NFIA: variants seen among roughly 807,000 people sequenced by gnomAD.
NFIA encodes the protein nuclear factor I A.
NFIA carries 8 observed loss-of-function variants against 62.8 expected under a neutral mutation model. The observed-to-expected ratio is 0.13, with a 90% CI of 0.07 to 0.23. The LOEUF is 0.23. NFIA is among the 10% of genes least tolerant of loss of function. The pLI, the probability that NFIA is intolerant of heterozygous loss-of-function variation, is 1.00. For missense variants in NFIA, 410 were observed against 642.1 expected (o/e 0.64, Z 3.91); for synonymous variants, 235 against 238.1 (o/e 0.99, Z 0.12).
At chr1:61,441,473 T>C (rs1371399534) in intron 10 of NFIA, among the ~76,000 whole-genome samples, 2 of 150,576 alleles carry the variant, frequency 1.3e-5, no homozygotes, top group African/African-American at 5.0e-5. Context: ...GGCAAACACT[T>C]TAAAGTGCTT....
intron 2 of NFIA, among the ~76,000 whole-genome samples, chr1:61,271,969 A>G (rs748802887): frequency 6.6e-6 from 1 of 152,112 alleles, no homozygotes; most frequent in Non-Finnish European, 1.5e-5. Context: ...TGTTTTAGGA[A>G]CTCGGTTATT....
At chr1:61,327,417 C>T (rs1459003833) in intron 3 of NFIA, among the ~76,000 whole-genome samples, 2 of 151,734 alleles carry the variant, frequency 1.3e-5, no homozygotes, top group Non-Finnish European at 2.9e-5. Flanking sequence ...CCTACACAGC[C>T]GCCCCCTCCT....
chr1:61,155,265 T>A (rs1648709812), intron 2 of NFIA, among the ~76,000 whole-genome samples: 1 of 152,222 alleles, frequency 6.6e-6, no homozygotes, highest in Non-Finnish European at 1.5e-5. Context: ...TTAAGACTGC[T>A]CATACATGCT....
At chr1:61,402,588 G>A (rs1390245766) in intron 7 of NFIA, among the ~76,000 whole-genome samples, 1 of 152,110 alleles carries the variant, frequency 6.6e-6, no homozygotes, top group Non-Finnish European at 1.5e-5. Flanking sequence ...GAGAGGAGAA[G>A]GTAATGAAAA....
At chr1:61,305,332 A>G (rs981274517) in intron 3 of NFIA, among the ~76,000 whole-genome samples, 1 of 152,168 alleles carries the variant, frequency 6.6e-6, no homozygotes, top group Admixed American at 6.5e-5. Context: ...GGTTAACCAT[A>G]AGCAACTCAT....
At chr1:61,210,220 GTGGAA>G (rs915898887) in intron 2 of NFIA, among the ~76,000 whole-genome samples, 70 of 152,256 alleles carry the variant, frequency 4.6e-4, no homozygotes, top group Middle Eastern at 3.4e-3. Flanking sequence ...TTTTCCTCAA[GTGGAA>G]TAAGATTGCA....
At chr1:61,285,941 A>C (rs1270461970) in intron 3 of NFIA, among the ~76,000 whole-genome samples, 1 of 152,198 alleles carries the variant, frequency 6.6e-6, no homozygotes, top group Admixed American at 6.5e-5. Flanking sequence ...GCTTCTCAGC[A>C]AGTAGCACTT....
chr1:61,456,188 T>A lies in NFIA; in HGVS notation c.*868T>A, dbSNP rs1668293985. 6.6e-6 allele frequency: 1 copy of A among 152,634 alleles called. No individual in the cohort carries two copies. The allele number at this position is 152,634 out of a possible 1,614,324, so 9.5% of individuals were successfully genotyped here. On this transcript the variant is annotated 3_prime_UTR_variant, in exon 11 of 11. Coordinates refer to ENST00000403491, the MANE Select transcript of NFIA (RefSeq NM_001134673.4). Reference sequence around the variant, plus strand: ...TTGAATTGAGTAAAGTGCAATTTCATTGGATAGCTAAATATCTTTGTAAGA... The same window carrying A: ...TTGAATTGAGTAAAGTGCAATTTCAATGGATAGCTAAATATCTTTGTAAGA...
chr1:61,153,583 T>C (rs1372033239), intron 2 of NFIA, among the ~76,000 whole-genome samples: 2 of 152,256 alleles, frequency 1.3e-5, no homozygotes, highest in Non-Finnish European at 2.9e-5. Flanking sequence ...AGTATGAATA[T>C]AAAAGTGTTT....
At chr1:61,405,974 T>C (rs1436146525) in intron 8 of NFIA, among the ~76,000 whole-genome samples, 1 of 152,198 alleles carries the variant, frequency 6.6e-6, no homozygotes, top group Non-Finnish European at 1.5e-5. Flanking sequence ...CCTGATGTTA[T>C]ACAATATGTG....
At chr1:61,349,663 C>T (rs574252373) in intron 4 of NFIA, among the ~76,000 whole-genome samples, 6 of 152,286 alleles carry the variant, frequency 3.9e-5, no homozygotes, top group Admixed American at 2.6e-4. Context: ...CAGCCTCAAA[C>T]TCCTGGGCTC....
chr1:61,120,589 C>T (rs1009129717), intron 2 of NFIA, among the ~76,000 whole-genome samples: 4 of 152,028 alleles, frequency 2.6e-5, no homozygotes, highest in Non-Finnish European at 4.4e-5. Context: ...GTAAGTGAAG[C>T]CTTTGGGGAA....
intron 6 of NFIA, among the ~76,000 whole-genome samples, chr1:61,374,008 G>A (rs1207222085): frequency 6.6e-6 from 1 of 152,118 alleles, no homozygotes; most frequent in African/African-American, 2.4e-5. Flanking sequence ...CTAAGCCCTT[G>A]CAATGTGGCT....
In NFIA at chr1:61,359,375, G is replaced by A. The variant is rs1569602127; in HGVS notation, c.946+101G>A. 13 of 1,531,440 alleles carry A rather than the reference G, an allele frequency of 8.5e-6. No homozygotes were observed. In the East Asian group the frequency reaches 3.0e-4, roughly 35 times the overall value. 94.9% of individuals were successfully genotyped at this position (1,531,440 alleles called of 1,614,324 possible). A position where few individuals can be genotyped will look rare whatever the true frequency, so the allele number is the denominator to read the frequency against. On this transcript the variant is annotated intron_variant, in intron 6 of 10. Transcript: ENST00000403491. Reference sequence around the variant, plus strand: ...TAAAAGTGAAGAAAGAAAGCTCAAGGTAGTTCACTTTTTCAGGATGAGCAC... The same window carrying A: ...TAAAAGTGAAGAAAGAAAGCTCAAGATAGTTCACTTTTTCAGGATGAGCAC...
At chr1:61,187,791 T>G (rs893197736) in intron 2 of NFIA, among the ~76,000 whole-genome samples, 2 of 152,230 alleles carry the variant, frequency 1.3e-5, no homozygotes, top group African/African-American at 4.8e-5. Context: ...TTTAAAGTCC[T>G]GTCCCTGCTG....
intron 2 of NFIA, among the ~76,000 whole-genome samples, chr1:61,180,521 CTT>C (rs1650689263): frequency 6.6e-6 from 1 of 152,270 alleles, no homozygotes; most frequent in East Asian, 1.9e-4. Context: ...GTGAATACGA[CTT>C]TATTACCAAG....
At chr1:61,419,566 G>T (rs1666510162) in intron 9 of NFIA, among the ~76,000 whole-genome samples, 1 of 152,148 alleles carries the variant, frequency 6.6e-6, no homozygotes, top group Admixed American at 6.5e-5. Flanking sequence ...TCCTCTCTGT[G>T]TGCACATTAT....
chr1:61,205,667 AAGT>A (rs1652844361), intron 2 of NFIA, among the ~76,000 whole-genome samples: 1 of 152,146 alleles, frequency 6.6e-6, no homozygotes, highest in Non-Finnish European at 1.5e-5. Flanking sequence ...TAAAAAGTGA[AAGT>A]AGGAAGTCAG....
chr1:61,376,554 C>G (rs1269800813), intron 6 of NFIA, among the ~76,000 whole-genome samples: 1 of 152,118 alleles, frequency 6.6e-6, no homozygotes, highest in Non-Finnish European at 1.5e-5. Context: ...CTTACTAAGG[C>G]CAAGAGAAAA....
Sources: allele counts gnomAD v4.1 joint callset (sites outside exome capture counted in the v4.1 genomes callset), GRCh38; gene constraint gnomAD v4.1.1; transcripts MANE v1.5; gene names NCBI Gene and HGNC (gene_info 2026-07-23, HGNC 2026-07-21).